TENM1: variants seen among roughly 807,000 people sequenced by gnomAD.
TENM1 encodes teneurin transmembrane protein 1.
A neutral mutation model predicts 174.8 loss-of-function variants in TENM1; 35 were observed. That is an observed-to-expected ratio of 0.20 (90% CI 0.15 to 0.27). TENM1 has a LOEUF of 0.27. Among genes scored for constraint, TENM1 ranks in the 10% least tolerant of loss-of-function variants. TENM1 has a pLI of 1.00. For synonymous variants in TENM1, 781 were observed against 798.7 expected (o/e 0.98, Z 0.37); for missense variants, 1,633 against 2,130.1 (o/e 0.77, Z 4.59).
At chrX:125,131,030 T>C in the TENM1 span, among the ~76,000 whole-genome samples, 2 of 112,172 alleles carry the variant, frequency 1.8e-5, no homozygotes, top group Admixed American at 9.4e-5. Context: ...CAGCAGAGAC[T>C]TGAAGGAAGT....
At chrX:125,054,603 A>T in the TENM1 span, among the ~76,000 whole-genome samples, 2 of 111,728 alleles carry the variant, frequency 1.8e-5, no homozygotes, top group South Asian at 7.5e-4. Flanking sequence ...ATATTTCACC[A>T]TTAAGTAGAA....
intron 3 of TENM1, among the ~76,000 whole-genome samples, chrX:124,846,357 G>A (rs2056608105): frequency 9.0e-6 from 1 of 111,173 alleles, no homozygotes; most frequent in Non-Finnish European, 1.9e-5. Flanking sequence ...TAAGGAACAA[G>A]GATATTTCCA....
chrX:125,063,590 T>C, the TENM1 span, among the ~76,000 whole-genome samples: 1 of 111,720 alleles, frequency 9.0e-6, no homozygotes, highest in Non-Finnish European at 1.9e-5. Context: ...ATCAGAGAAA[T>C]GCAAACCAAA....
the TENM1 span, among the ~76,000 whole-genome samples, chrX:125,073,552 A>T: frequency 9.0e-6 from 1 of 111,438 alleles, no homozygotes; most frequent in African/African-American, 3.3e-5. Flanking sequence ...TATAATGGTG[A>T]TTAAAACTCA....
At chrX:124,867,628 G>T (rs914071267) in intron 3 of TENM1, among the ~76,000 whole-genome samples, 1 of 112,011 alleles carries the variant, frequency 8.9e-6, no homozygotes, top group Non-Finnish European at 1.9e-5. Context: ...AGTATTGGAA[G>T]TCCTAGCTAG....
At chrX:124,960,888 A>T (rs984494606) in intron 1 of TENM1, among the ~76,000 whole-genome samples, 5 of 112,175 alleles carry the variant, frequency 4.5e-5, no homozygotes, top group Non-Finnish European at 9.4e-5. Flanking sequence ...AGGCAGAAGA[A>T]GAGAATTATT....
At chrX:124,424,800 T>C (rs2060692580) in intron 23 of TENM1, among the ~76,000 whole-genome samples, 1 of 110,515 alleles carries the variant, frequency 9.0e-6, no homozygotes, top group Non-Finnish European at 1.9e-5. Flanking sequence ...TAAAAGTGTG[T>C]AGCACCTTCC....
intron 3 of TENM1, among the ~76,000 whole-genome samples, chrX:124,762,451 C>A (rs1027551385): frequency 5.3e-5 from 6 of 112,159 alleles, no homozygotes; most frequent in African/African-American, 1.9e-4. Flanking sequence ...AAACTTATTT[C>A]TTACTATACT....
In TENM1 at chrX:124,587,220, C is replaced by T. The variant is rs759128165; in HGVS notation, c.2078-21660G>A. 7.3e-3 allele frequency among the ~76,000 whole-genome samples: 802 copies of T among 110,005 alleles called. 11 individuals carry two copies. Among genetic ancestry groups the T allele is most frequent in the African/African-American group, 0.025 (752 of 29,892 alleles). On this transcript the variant is annotated intron_variant, in intron 11 of 31. Transcript: ENST00000422452. ...GTTCATATGGAACCAAAAAAGAGCCCGCATTGCCAAGTCAATCCTAAGCCA... is the reference window on the plus strand; with the variant it reads ...GTTCATATGGAACCAAAAAAGAGCCTGCATTGCCAAGTCAATCCTAAGCCA...
intron 11 of TENM1, among the ~76,000 whole-genome samples, chrX:124,636,308 CAGA>C (rs1179604441): frequency 8.9e-6 from 1 of 112,021 alleles, no homozygotes; most frequent in Non-Finnish European, 1.9e-5. Flanking sequence ...TTAAAAATCA[CAGA>C]AGGACTATTC....
intron 3 of TENM1, among the ~76,000 whole-genome samples, chrX:124,843,038 A>G (rs1257093093): frequency 1.8e-5 from 2 of 110,993 alleles, no homozygotes; most frequent in Non-Finnish European, 3.8e-5. Flanking sequence ...CCTTTCATCA[A>G]GCATGAACAA....
intron 23 of TENM1, among the ~76,000 whole-genome samples, chrX:124,434,206 G>A (rs774950167): frequency 2.7e-5 from 3 of 111,342 alleles, no homozygotes; most frequent in East Asian, 2.8e-4. Context: ...AGAATAGCTC[G>A]TTGGGGCCCC....
chrX:124,911,770 T>A (rs2057840541), intron 1 of TENM1, among the ~76,000 whole-genome samples: 1 of 111,862 alleles, frequency 8.9e-6, no homozygotes, highest in African/African-American at 3.3e-5. Context: ...GGGCCTTGTT[T>A]GCCTTAGATT....
At chrX:124,732,935 A>G (rs1185638878) in intron 4 of TENM1, among the ~76,000 whole-genome samples, 1 of 111,811 alleles carries the variant, frequency 8.9e-6, no homozygotes, top group Non-Finnish European at 1.9e-5. Flanking sequence ...CCGGGGACTG[A>G]CAACACATAC....
chrX:125,098,303 G>A, the TENM1 span, among the ~76,000 whole-genome samples: 3 of 111,715 alleles, frequency 2.7e-5, no homozygotes, highest in Non-Finnish European at 5.6e-5. Flanking sequence ...GTTTTGCTAT[G>A]TCCTCAAAAA....
chrX:124,739,839 CT>C lies in TENM1; in HGVS notation c.536-2643del, dbSNP rs767354313. ...AAGTACTGGGTACAGAGCAAGATCT[CT>C]AAAATCTTTTGCTAATAGAAGAGGG... On this transcript the variant is annotated intron_variant, in intron 3 of 31. Transcript: ENST00000422452. Among the ~76,000 whole-genome samples, 8 of 112,279 alleles carry C rather than the reference CT, an allele frequency of 7.1e-5. No individual in the cohort carries two copies. The East Asian group carries it at 2.2e-3, about 31-fold the overall frequency.
intron 5 of TENM1, among the ~76,000 whole-genome samples, chrX:124,695,021 T>G (rs944674771): frequency 1.9e-4 from 21 of 112,025 alleles, no homozygotes; most frequent in African/African-American, 6.8e-4. Context: ...AAAGTGCAAA[T>G]TACGTAACGG....
chrX:125,200,654 T>TGTGTGTGTGA, the TENM1 span, among the ~76,000 whole-genome samples: 9 of 92,424 alleles, frequency 9.7e-5, no homozygotes, highest in African/African-American at 3.8e-4. Flanking sequence ...TGTGTGTGTG[T>TGTGTGTGTGA]GAGAGAGAGA....
At chrX:124,463,049 A>C (rs780087514) in intron 22 of TENM1, among the ~76,000 whole-genome samples, 17 of 112,148 alleles carry the variant, frequency 1.5e-4, no homozygotes, top group African/African-American at 5.5e-4. Flanking sequence ...CCATGTGGAT[A>C]GCTACAATGA....
Sources: allele counts gnomAD v4.1 joint callset (sites outside exome capture counted in the v4.1 genomes callset), GRCh38; gene constraint gnomAD v4.1.1; transcripts MANE v1.5; gene names NCBI Gene and HGNC (gene_info 2026-07-23, HGNC 2026-07-21).